Variants in PFDN5 observed in about 807,000 individuals in gnomAD.
The protein encoded by PFDN5 is prefoldin subunit 5, also known as c-myc binding protein.
Under a neutral mutation model 21.5 loss-of-function variants are expected in PFDN5, and 13 were observed. The ratio of observed to expected loss-of-function variants is 0.60; its 90% CI spans 0.39 to 0.96. PFDN5 has a LOEUF of 0.96. Ranked by LOEUF, PFDN5 falls within the 40% of genes least tolerant of loss-of-function variation. The pLI is 0.00. For synonymous variants in PFDN5, 84 were observed against 68.9 expected (o/e 1.22, Z -1.08); for missense variants, 188 against 186.2 (o/e 1.01, Z -0.06).
rs574979671 is a variant in PFDN5, at chr12:53,298,325, G to A, written c.388+175G>A. The A allele has an allele frequency of 5.9e-5, 32 of 543,832 alleles. No homozygotes were observed. The East Asian group carries it at 6.5e-4, about 11-fold the overall frequency. The allele number at this position is 543,832 out of a possible 1,614,324, so 33.7% of individuals were successfully genotyped here. A position where few individuals can be genotyped will look rare whatever the true frequency, so the allele number is the denominator to read the frequency against. ...CTATCTGTAGATTCCTGGGTTGAGC[G>A]TTTGAGAAATTTAGAGGAAGGAAAT... On this transcript the variant is annotated intron_variant, in intron 5 of 5. Transcript: ENST00000334478.
chr12:53,297,792 G>A (rs377672071), intron 3 of PFDN5, 58 bp from the exon 4 acceptor site: 24 of 1,304,064 alleles, frequency 1.8e-5, no homozygotes, highest in East Asian at 6.9e-5. Flanking sequence ...CAGGCTGGCT[G>A]GCGGAATCAT....
In PFDN5 at chr12:53,298,147, C is replaced by G. The variant is rs1192746005; in HGVS notation, c.385C>G (p.Gln129Glu). Reference sequence around the variant, plus strand: ...TCTTCAGGAGAAGCACGCCATGAAACAGGGTAAGTTTTTCCTGGGGCACCT... The same window carrying G: ...TCTTCAGGAGAAGCACGCCATGAAAGAGGGTAAGTTTTTCCTGGGGCACCT... ...PALQEKHAMK[Q>E]AVMEMMSQKI... Residue 129 changes from glutamine to glutamate, a missense_variant, in exon 5 of 6, where the codon CAG becomes GAG. Transcript: ENST00000334478. 1.2e-6 allele frequency: 2 copies of G among 1,603,122 alleles called. No homozygotes were observed. Among genetic ancestry groups the G allele is most frequent in the Non-Finnish European group, 1.7e-6 (2 of 1,169,960 alleles).
intron 2 of PFDN5, 79 bp from the exon 3 acceptor site, chr12:53,296,165 G>A: frequency 8.2e-7 from 1 of 1,218,642 alleles, no homozygotes; most frequent in Non-Finnish European, 1.2e-6. Flanking sequence ...TGGGTGCTGT[G>A]CCCTGTTGGA....
intron 3 of PFDN5, 22 bp downstream of exon 3, chr12:53,296,297 C>T: frequency 1.3e-6 from 2 of 1,589,112 alleles, no homozygotes; most frequent in Non-Finnish European, 1.7e-6. Context: ...ACAGGAACGG[C>T]TACCTGCTGC....
chr12:53,299,249 A>G lies in PFDN5; in HGVS notation c.389-20A>G. On this transcript the variant is annotated intron_variant, in intron 5 of 5. Transcript: ENST00000334478. ...TTCTCCTTTTTGCTTCTAACCTTTG[A>G]CTCTTATTTTTTTCCACAGCCGTCA... 1 of 1,581,474 alleles carries G rather than the reference A, an allele frequency of 6.3e-7. No homozygotes were observed.
At chr12:53,298,288 A>T (rs1448686046) in intron 5 of PFDN5, 138 bp downstream of exon 5, 1 of 642,296 alleles carries the variant, frequency 1.6e-6, no homozygotes, top group Non-Finnish European at 2.8e-6. Context: ...GAATCTGTGT[A>T]TTGCATAATC....
Position 53,296,360 on chromosome 12 carries a change from A to G in PFDN5, c.207+85A>G. 3.3e-6 allele frequency: 3 copies of G among 913,722 alleles called. No individual in the cohort carries two copies. In the Admixed American group the frequency reaches 5.9e-5, roughly 18 times the overall value. 56.6% of individuals were successfully genotyped at this position (913,722 alleles called of 1,614,324 possible). A position where few individuals can be genotyped will look rare whatever the true frequency, so the allele number is the denominator to read the frequency against. ...AAAAGCGGGGAGGGGGATTGTTTTG[A>G]TTACTTCAGATTACCCTCTCCTCAC... On this transcript the variant is annotated intron_variant, in intron 3 of 5. Transcript: ENST00000334478.
intron 3 of PFDN5, chr12:53,296,746 T>C (rs1318360976): frequency 7.6e-6 from 2 of 263,516 alleles, no homozygotes; most frequent in Admixed American, 1.1e-4. Context: ...TGTAGCTCTT[T>C]TATCTGACTT....
In PFDN5 at chr12:53,296,927, A is replaced by G. The variant is rs938333637; in HGVS notation, c.207+652A>G. 2.6e-5 allele frequency: 4 copies of G among 154,370 alleles called. No homozygotes were observed. In the Admixed American group the frequency reaches 2.6e-4, roughly 10 times the overall value. 9.6% of individuals were successfully genotyped at this position (154,370 alleles called of 1,614,324 possible). A position where few individuals can be genotyped will look rare whatever the true frequency, so the allele number is the denominator to read the frequency against. ...TAGACAAAAATAGGAGGATATAGAA[A>G]CAGGGAGCTTGGCTCTGTTAATCTT... On this transcript the variant is annotated intron_variant, in intron 3 of 5. Transcript: ENST00000334478.
At chr12:53,298,590 TCCC>T (rs56970113) in intron 5 of PFDN5, 1 of 48,774 alleles carries the variant, frequency 2.1e-5, no homozygotes, top group African/African-American at 5.3e-5. Context: ...TTAAAAAAGC[TCCC>T]CTCTGTTATA....
chr12:53,295,986 T>G (rs1565770054), intron 2 of PFDN5, 45 bp downstream of exon 2: 1 of 1,166,520 alleles, frequency 8.6e-7, no homozygotes, highest in South Asian at 1.2e-5. Flanking sequence ...GCGAACCTGC[T>G]TCTCTCGTCC....
At chr12:53,296,350 G>T (rs1408397243) in intron 3 of PFDN5, 75 bp downstream of exon 3, 3 of 1,038,210 alleles carry the variant, frequency 2.9e-6, no homozygotes, top group Non-Finnish European at 4.5e-6. Context: ...CGGGGAGGGG[G>T]ATTGTTTTGA....
At chr12:53,296,549 T>G in intron 3 of PFDN5, 1 of 554,948 alleles carries the variant, frequency 1.8e-6, no homozygotes, top group Non-Finnish European at 3.2e-6. Context: ...GCTGGGACTT[T>G]AGGTACGCGC....
chr12:53,299,243 C>T, intron 5 of PFDN5, 26 bp from the exon 6 acceptor site: 2 of 1,563,734 alleles, frequency 1.3e-6, no homozygotes, highest in Non-Finnish European at 1.8e-6. Flanking sequence ...TTGCTTCTAA[C>T]CTTTGACTCT....
At chr12:53,295,675 C>T (rs755978016) in intron 1 of PFDN5, 36 bp downstream of exon 1, 6 of 1,554,262 alleles carry the variant, frequency 3.9e-6, no homozygotes, top group East Asian at 4.5e-5. Context: ...CTTTCCTGCT[C>T]TACATCCCCC....
intron 5 of PFDN5, 49 bp downstream of exon 5, chr12:53,298,199 C>T (rs370469004): frequency 5.0e-5 from 58 of 1,164,964 alleles, no homozygotes; most frequent in Non-Finnish European, 7.1e-5. Context: ...TAATAAGGAA[C>T]ATGGATTGCA....
chr12:53,295,730 A>G lies in PFDN5; in HGVS notation c.72+91A>G, dbSNP rs375253459. Reference sequence around the variant, plus strand: ...GCGCCCGGTTCCAAGTTGGCAGCCTACCTTTCCCAGGCGAAACCTCTATCC... The same window carrying G: ...GCGCCCGGTTCCAAGTTGGCAGCCTGCCTTTCCCAGGCGAAACCTCTATCC... On this transcript the variant is annotated intron_variant, in intron 1 of 5. Transcript: ENST00000334478. 8.4e-5 allele frequency: 114 copies of G among 1,349,950 alleles called. No homozygotes were observed. In the South Asian group the frequency reaches 1.1e-3, roughly 13 times the overall value. The allele number at this position is 1,349,950 out of a possible 1,614,324, so 83.6% of individuals were successfully genotyped here. A position where few individuals can be genotyped will look rare whatever the true frequency, so the allele number is the denominator to read the frequency against.
chr12:53,297,996 G>A, intron 4 of PFDN5, 49 bp from the exon 5 acceptor site: 4 of 1,561,624 alleles, frequency 2.6e-6, no homozygotes, highest in Middle Eastern at 3.4e-4. Flanking sequence ...AGCGCAGCAT[G>A]GCCAGAGGGA....
chr12:53,298,162 C>T lies in PFDN5; in HGVS notation c.388+12C>T, dbSNP rs746464209. 4 of 1,530,128 alleles carry T rather than the reference C, an allele frequency of 2.6e-6. No homozygotes were observed. The East Asian group carries it at 9.0e-5, about 34-fold the overall frequency. The allele number at this position is 1,530,128 out of a possible 1,614,324, so 94.8% of individuals were successfully genotyped here. On this transcript the variant is annotated intron_variant, in intron 5 of 5. Coordinates refer to ENST00000334478, the MANE Select transcript of PFDN5 (RefSeq NM_002624.4). ...CGCCATGAAACAGGGTAAGTTTTTC[C>T]TGGGGCACCTCTTGACCCTATCTCC...
Sources: gnomAD v4.1 joint callset for allele counts on GRCh38, gnomAD v4.1.1 for gene constraint, MANE v1.5 for transcripts, NCBI Gene and HGNC (gene_info 2026-07-23, HGNC 2026-07-21) for gene names.